The following DNM3 variants were observed in gnomAD, a reference collection of about 807,000 sequenced individuals.
DNM3 encodes the protein dynamin-3.
A neutral mutation model predicts 101.6 loss-of-function variants in DNM3; 47 were observed. The ratio of observed to expected loss-of-function variants is 0.46; its 90% CI spans 0.37 to 0.59. DNM3 has a LOEUF of 0.59. Among genes scored for constraint, DNM3 ranks in the 20% least tolerant of loss-of-function variants. The probability of loss-of-function intolerance (pLI) is 0.00; values close to 1 mark genes in which losing one functional copy is unlikely to be tolerated. For synonymous variants in DNM3, 385 were observed against 387.9 expected (o/e 0.99, Z 0.09); for missense variants, 849 against 1,085.7 (o/e 0.78, Z 3.06).
At chr1:172,258,697 A>G (rs1273634955) in intron 15 of DNM3, among the ~76,000 whole-genome samples, 6 of 151,876 alleles carry the variant, frequency 4.0e-5, no homozygotes, top group East Asian at 3.8e-4. Flanking sequence ...TAAAAATGCA[A>G]CTTTTCATTT....
At chr1:172,238,416 C>T (rs1373584091) in intron 14 of DNM3, among the ~76,000 whole-genome samples, 1 of 152,092 alleles carries the variant, frequency 6.6e-6, no homozygotes, top group Non-Finnish European at 1.5e-5. Flanking sequence ...ATAATTCATT[C>T]CTTGTAAATG....
chr1:172,081,272 G>A (rs925289013), intron 11 of DNM3, among the ~76,000 whole-genome samples: 2 of 152,092 alleles, frequency 1.3e-5, no homozygotes, highest in African/African-American at 4.8e-5. Flanking sequence ...TCTGATTGAT[G>A]TTTGGATTCA....
At chr1:172,103,603 T>C (rs1270062613) in intron 13 of DNM3, among the ~76,000 whole-genome samples, 1 of 152,198 alleles carries the variant, frequency 6.6e-6, no homozygotes. Flanking sequence ...CAACTATATA[T>C]GTAAGTACCT....
chr1:172,275,080 A>G (rs1456457869), intron 15 of DNM3, among the ~76,000 whole-genome samples: 1 of 152,072 alleles, frequency 6.6e-6, no homozygotes, highest in Non-Finnish European at 1.5e-5. Flanking sequence ...TTATTCCTAG[A>G]CAACTATGAC....
At chr1:172,009,267 C>T (rs1404505362) in intron 4 of DNM3, among the ~76,000 whole-genome samples, 3 of 148,684 alleles carry the variant, frequency 2.0e-5, no homozygotes, top group African/African-American at 7.4e-5. Context: ...CAATAATGTA[C>T]TATCTTAATT....
rs60523795 is a variant in DNM3 at position 171,875,813 on chromosome 1, C to CTTTTTTTTTTTTTTTTTTTTTTTTTTTT, written c.161+34012_161+34013insTTTTTTTTTTTTTTTTTTTTTTTTTTTT. ...CAAGTCTAAAAAAAGAGTTGTCTCT[C>CTTTTTTTTTTTTTTTTTTTTTTTTTTTT]TTTTTTTTTTTTTTTTGAGATGGAG... On this transcript the variant is annotated intron_variant, in intron 1 of 20. Transcript: ENST00000627582. Among the ~76,000 whole-genome samples the CTTTTTTTTTTTTTTTTTTTTTTTTTTTT allele has an allele frequency of 2.9e-5, 3 of 104,682 alleles. 1 individual carries two copies. The highest frequency in any genetic ancestry group is 3.6e-5 in the Non-Finnish European group (2 of 56,004). The allele number at this position is 104,682 out of a possible 152,430, so 68.7% of individuals were successfully genotyped here. A position where few individuals can be genotyped will look rare whatever the true frequency, so the allele number is the denominator to read the frequency against.
intron 13 of DNM3, among the ~76,000 whole-genome samples, chr1:172,117,955 C>T (rs1044004184): frequency 7.2e-5 from 11 of 152,100 alleles, no homozygotes; most frequent in Admixed American, 2.6e-4. Context: ...AGCCACTCCT[C>T]GGGACCTCAA....
At chr1:172,304,675 C>A (rs2064692837) in intron 15 of DNM3, among the ~76,000 whole-genome samples, 2 of 152,178 alleles carry the variant, frequency 1.3e-5, no homozygotes, top group South Asian at 4.1e-4. Context: ...GAAATCACAA[C>A]AAACTGTCTC....
At chr1:172,213,989 A>T (rs1433170837) in intron 14 of DNM3, among the ~76,000 whole-genome samples, 8 of 152,134 alleles carry the variant, frequency 5.3e-5, no homozygotes, top group African/African-American at 1.9e-4. Flanking sequence ...TCACTCCTTC[A>T]GGTAGAAACG....
intron 14 of DNM3, among the ~76,000 whole-genome samples, chr1:172,202,777 A>G (rs570323181): frequency 2.0e-5 from 3 of 152,302 alleles, no homozygotes; most frequent in East Asian, 3.9e-4. Flanking sequence ...TAAAGGTTTA[A>G]TCTACCAAGT....
intron 1 of DNM3, among the ~76,000 whole-genome samples, chr1:171,896,618 T>G (rs1249425198): frequency 6.6e-6 from 1 of 152,206 alleles, no homozygotes; most frequent in Admixed American, 6.5e-5. Context: ...ACTTCCTCTT[T>G]TCCTAATTGA....
chr1:172,270,616 A>C (rs147872017), intron 15 of DNM3, among the ~76,000 whole-genome samples: 74 of 152,290 alleles, frequency 4.9e-4, no homozygotes, highest in African/African-American at 1.7e-3. Context: ...TGTGTAATTA[A>C]TTTTAATTAA....
intron 14 of DNM3, among the ~76,000 whole-genome samples, chr1:172,253,143 T>C (rs1316245884): frequency 6.6e-6 from 1 of 152,100 alleles, no homozygotes; most frequent in African/African-American, 2.4e-5. Flanking sequence ...TCTCATTGAA[T>C]TAGGACCAGA....
chr1:171,891,360 CAG>C (rs1558221225), intron 1 of DNM3, among the ~76,000 whole-genome samples: 1 of 137,636 alleles, frequency 7.3e-6, no homozygotes, highest in East Asian at 2.0e-4. Flanking sequence ...AAAAAAAAAA[CAG>C]AAAAATTACA....
chr1:172,074,521 G>A (rs1416337158), intron 11 of DNM3, among the ~76,000 whole-genome samples: 1 of 151,664 alleles, frequency 6.6e-6, no homozygotes, highest in Non-Finnish European at 1.5e-5. Context: ...CTGTGTCCAC[G>A]TGTTCTCATT....
At chr1:172,106,246 C>T (rs929177731) in intron 13 of DNM3, among the ~76,000 whole-genome samples, 1 of 152,094 alleles carries the variant, frequency 6.6e-6, no homozygotes, top group Admixed American at 6.6e-5. Flanking sequence ...CATGGCAAAA[C>T]CCCGTCTCTA....
At chr1:172,272,504 A>AAT (rs2063126708) in intron 15 of DNM3, among the ~76,000 whole-genome samples, 1 of 152,154 alleles carries the variant, frequency 6.6e-6, no homozygotes, top group Non-Finnish European at 1.5e-5. Context: ...CAATGTTAAT[A>AAT]TATTTGTTGC....
chr1:171,924,774 A>G lies in DNM3; in HGVS notation c.235+2953A>G, dbSNP rs547600201. ...GCCATTCTGACTGGTATGAGATGATATCTTATTGTAGTTTTGATCCGTATT... is the reference window on the plus strand; with the variant it reads ...GCCATTCTGACTGGTATGAGATGATGTCTTATTGTAGTTTTGATCCGTATT... On this transcript the variant is annotated intron_variant, in intron 2 of 20. Transcript: ENST00000627582. Among the ~76,000 whole-genome samples the G allele has an allele frequency of 1.7e-4, 26 of 152,298 alleles. No homozygotes were observed. In the South Asian group the frequency reaches 5.4e-3, roughly 32 times the overall value.
chr1:172,164,924 A>G (rs1202701694), intron 14 of DNM3, among the ~76,000 whole-genome samples: 1 of 152,076 alleles, frequency 6.6e-6, no homozygotes, highest in Non-Finnish European at 1.5e-5. Flanking sequence ...CATTTGTTTC[A>G]AAGCCCAAAG....
Sources: allele counts gnomAD v4.1 joint callset (sites outside exome capture counted in the v4.1 genomes callset), GRCh38; gene constraint gnomAD v4.1.1; transcripts MANE v1.5; gene names NCBI Gene and HGNC (gene_info 2026-07-23, HGNC 2026-07-21).